BTK: variants seen among roughly 807,000 people sequenced by gnomAD.
BTK encodes the protein Bruton tyrosine kinase.
BTK carries 5 observed loss-of-function variants against 57.4 expected under a neutral mutation model. The observed-to-expected ratio is 0.09, with a 90% confidence interval of 0.05 to 0.18. The LOEUF is 0.18. Ranked by LOEUF, BTK falls within the 10% of genes least tolerant of loss-of-function variation. The probability of loss-of-function intolerance (pLI) is 1.00; values close to 1 mark genes in which losing one functional copy is unlikely to be tolerated. For missense variants in BTK, 194 were observed against 501.2 expected, an observed-to-expected ratio of 0.39 and a Z score of 5.85; for synonymous variants, 154 against 174.3, an observed-to-expected ratio of 0.88 and a Z score of 0.92.
chrX:101,351,479 G>T (rs1926284938), intron 18 of BTK, among the ~76,000 whole-genome samples: 1 of 111,613 alleles, frequency 9.0e-6, no homozygotes, highest in African/African-American at 3.3e-5. Context: ...AAGAAAGAAG[G>T]AGTCCTCCCT....
At chrX:101,350,867 T>C (rs1190192186) in intron 18 of BTK, among the ~76,000 whole-genome samples, 1 of 112,360 alleles carries the variant, frequency 8.9e-6, no homozygotes, top group Non-Finnish European at 1.9e-5. Context: ...TGGTCATCAA[T>C]TTCTTGATTC....
intron 9 of BTK, among the ~76,000 whole-genome samples, chrX:101,359,694 C>A (rs1926600237): frequency 9.1e-6 from 1 of 109,548 alleles, no homozygotes; most frequent in Non-Finnish European, 1.9e-5. Context: ...ACTCCTTTTT[C>A]TTTGAGTGTG....
chrX:101,389,715 T>C (rs1927725780), upstream of BTK, among the ~76,000 whole-genome samples: 1 of 111,457 alleles, frequency 9.0e-6, no homozygotes. Context: ...GCTTCCTTTG[T>C]ATGATGTAGT....
At chrX:101,363,924 A>ATTATTG (rs1555979104) in intron 5 of BTK, among the ~76,000 whole-genome samples, 2 of 98,966 alleles carry the variant, frequency 2.0e-5, no homozygotes, top group Non-Finnish European at 4.0e-5. Flanking sequence ...TATTATTATT[A>ATTATTG]TTATTATTAT....
Position 101,357,594 on chromosome X carries a change from G to C in BTK, c.1103-11C>G, listed in dbSNP as rs782217532. ...GCCTGGATATGAGTCCTGAAACAGA[G>C]AGAGAGGTCATGCTGTTGGTGTGGT... is the stretch of plus-strand genomic sequence containing the variant. On this transcript the variant is annotated splice_polypyrimidine_tract_variant and intron_variant, in intron 12 of 18. Coordinates refer to ENST00000308731, the MANE Select transcript of BTK (RefSeq NM_000061.3). The C allele has an allele frequency of 6.6e-5, 79 of 1,195,724 alleles. No individual in the cohort carries two copies. The highest frequency in any genetic ancestry group is 8.2e-5 in the Non-Finnish European group (72 of 882,518).
At chrX:101,355,659 A>G (rs1474590109) in intron 15 of BTK, 3 of 186,364 alleles carry the variant, frequency 1.6e-5, no homozygotes, top group Non-Finnish European at 3.0e-5. Flanking sequence ...AAACCCACAC[A>G]TGTGGGCCAA....
chrX:101,387,911 G>T (rs1927671201), upstream of BTK, among the ~76,000 whole-genome samples: 1 of 106,171 alleles, frequency 9.4e-6, no homozygotes, highest in Non-Finnish European at 1.9e-5. Flanking sequence ...CTGTCGCCCA[G>T]GCTGGAGTGC....
chrX:101,370,151 T>C (rs1926980182), intron 4 of BTK, 72 bp from the exon 5 acceptor site: 1 of 809,904 alleles, frequency 1.2e-6, no homozygotes, highest in East Asian at 3.1e-5. Flanking sequence ...AAAGTACTAA[T>C]CTTAGGGGAC....
intron 3 of BTK, among the ~76,000 whole-genome samples, chrX:101,373,767 G>A (rs1300085828): frequency 8.9e-6 from 1 of 111,834 alleles, no homozygotes; most frequent in African/African-American, 3.2e-5. Flanking sequence ...GTCAGACCCA[G>A]TGGGTGGCTC....
chrX:101,380,298 G>A (rs1421465459), intron 1 of BTK, among the ~76,000 whole-genome samples: 4 of 111,036 alleles, frequency 3.6e-5, no homozygotes, highest in Admixed American at 9.7e-5. Context: ...GTAGAGACAC[G>A]GGTCTCACTT....
chrX:101,358,532 G>A, intron 11 of BTK, 85 bp downstream of exon 11: 1 of 1,177,017 alleles, frequency 8.5e-7, no homozygotes, highest in Non-Finnish European at 1.2e-6. Flanking sequence ...AGAGACAGAG[G>A]AAGTGGGACG....
At chrX:101,359,622 T>C (rs1224107119) in intron 9 of BTK, among the ~76,000 whole-genome samples, 1 of 110,337 alleles carries the variant, frequency 9.1e-6, no homozygotes, top group Non-Finnish European at 1.9e-5. Context: ...TCCACTTCCA[T>C]GATTAGGGAG....
chrX:101,390,748 C>G (rs1555983163), upstream of BTK: 1 of 457,145 alleles, frequency 2.2e-6, no homozygotes, highest in African/African-American at 2.4e-5. Context: ...GCTCCCTTCA[C>G]TGAACGCCAC....
intron 18 of BTK, among the ~76,000 whole-genome samples, chrX:101,352,181 A>T (rs1282537680): frequency 9.1e-6 from 1 of 109,392 alleles, no homozygotes; most frequent in African/African-American, 3.4e-5. Flanking sequence ...AAAAAAAAAA[A>T]TCTCATTTAG....
chrX:101,383,918 C>T (rs943850407), intron 1 of BTK, among the ~76,000 whole-genome samples: 6 of 111,773 alleles, frequency 5.4e-5, no homozygotes, highest in Non-Finnish European at 1.1e-4. Context: ...TTCCCCTCCC[C>T]AGATGGCTTC....
At chrX:101,374,719 C>T (rs1045807105) in intron 2 of BTK, 85 bp from the exon 3 acceptor site, 29 of 843,328 alleles carry the variant, frequency 3.4e-5, no homozygotes, top group Non-Finnish European at 5.1e-5. Flanking sequence ...TCTAATCATT[C>T]AACAAAGTGA....
rs1555980874 is a variant in BTK at position 101,375,165 on chromosome X, A to G, written c.120T>C (p.Tyr40=). The change falls in exon 2 of 19, where the codon TAT becomes TAC. Residue 40 remains tyrosine, a synonymous_variant. Transcript: ENST00000308731. ...FLLTVHKLSY[Y]EYDFERGRRG... is the part of the protein sequence containing the mutation. ...TTACCCCACGTTCAAAGTCATACTC[A>G]TAGTAGGAGAGTTTGTGCACGGTCA... The G allele has an allele frequency of 8.3e-7, 1 of 1,209,816 alleles. No individual in the cohort carries two copies. The highest frequency in any genetic ancestry group is 1.7e-5 in the African/African-American group (1 of 57,178).
intron 1 of BTK, among the ~76,000 whole-genome samples, chrX:101,375,590 C>T (rs187244710): frequency 3.6e-4 from 40 of 112,042 alleles, no homozygotes; most frequent in African/African-American, 1.2e-3. Context: ...TTAAATGGCA[C>T]GCACCTGTGT....
At chrX:101,385,167 C>T (rs1309188969) in intron 1 of BTK, among the ~76,000 whole-genome samples, 2 of 111,297 alleles carry the variant, frequency 1.8e-5, no homozygotes, top group Non-Finnish European at 3.8e-5. Context: ...CAATGCAATT[C>T]GGCAATTATT....
Sources: allele counts gnomAD v4.1 joint callset (sites outside exome capture counted in the v4.1 genomes callset), GRCh38; gene constraint gnomAD v4.1.1; transcripts MANE v1.5; gene names NCBI Gene and HGNC (gene_info 2026-07-23, HGNC 2026-07-21).